IL1RAPL2: variants seen among roughly 807,000 people sequenced by gnomAD.
IL1RAPL2 encodes the protein interleukin 1 receptor accessory protein like 2.
IL1RAPL2 carries 3 observed loss-of-function variants against 44.1 expected under a neutral mutation model. That is an observed-to-expected ratio of 0.07 (90% CI 0.03 to 0.18). The LOEUF (loss-of-function observed/expected upper bound fraction) is 0.18. IL1RAPL2 is among the 10% of genes least tolerant of loss of function. The probability of loss-of-function intolerance (pLI) is 1.00; values close to 1 mark genes in which losing one functional copy is unlikely to be tolerated. For synonymous variants in IL1RAPL2, 181 were observed against 178.8 expected (o/e 1.01, Z -0.10); for missense variants, 391 against 496.4 (o/e 0.79, Z 2.02).
At chrX:104,640,007 G>A (rs1488330805) in intron 1 of IL1RAPL2, among the ~76,000 whole-genome samples, 1 of 111,452 alleles carries the variant, frequency 9.0e-6, no homozygotes, top group Non-Finnish European at 1.9e-5. Context: ...TGAGCTTCCT[G>A]TATCTGAATG....
chrX:104,990,398 G>C (rs767458651), intron 2 of IL1RAPL2, among the ~76,000 whole-genome samples: 1 of 98,598 alleles, frequency 1.0e-5, no homozygotes, highest in African/African-American at 3.6e-5. Flanking sequence ...TCTCCCCTTG[G>C]GATGGGGTTG....
intron 2 of IL1RAPL2, among the ~76,000 whole-genome samples, chrX:104,874,642 A>G (rs1345891899): frequency 1.8e-5 from 2 of 111,356 alleles, no homozygotes; most frequent in African/African-American, 6.5e-5. Context: ...TCAAGCATAG[A>G]AGGGGCTGGA....
intron 5 of IL1RAPL2, among the ~76,000 whole-genome samples, chrX:105,401,689 C>T (rs1011720908): frequency 9.1e-6 from 1 of 110,440 alleles, no homozygotes; most frequent in African/African-American, 3.3e-5. Context: ...GATCATCAAT[C>T]AGTGATTGAT....
At chrX:105,114,786 T>C (rs1408702465) in intron 2 of IL1RAPL2, among the ~76,000 whole-genome samples, 1 of 112,015 alleles carries the variant, frequency 8.9e-6, no homozygotes, top group Non-Finnish European at 1.9e-5. Flanking sequence ...TTTTCCCCTC[T>C]TCAGTTAGGC....
chrX:104,893,867 G>C (rs920394980), intron 2 of IL1RAPL2, among the ~76,000 whole-genome samples: 1 of 112,056 alleles, frequency 8.9e-6, no homozygotes, highest in African/African-American at 3.2e-5. Context: ...AATTGATGCA[G>C]TTTCTTCCTA....
chrX:104,844,705 C>A (rs1319857627), intron 2 of IL1RAPL2, among the ~76,000 whole-genome samples: 1 of 111,712 alleles, frequency 9.0e-6, no homozygotes, highest in Non-Finnish European at 1.9e-5. Flanking sequence ...CCATCTTGGG[C>A]TGCATGTGGT....
chrX:104,972,062 A>G (rs1230607192), intron 2 of IL1RAPL2, among the ~76,000 whole-genome samples: 1 of 111,493 alleles, frequency 9.0e-6, no homozygotes, highest in East Asian at 2.8e-4. Context: ...TTTGCTTCCA[A>G]GTTGGGTCCA....
intron 2 of IL1RAPL2, among the ~76,000 whole-genome samples, chrX:105,040,070 C>A (rs1344845916): frequency 1.2e-4 from 13 of 110,872 alleles, no homozygotes; most frequent in African/African-American, 3.0e-4. Flanking sequence ...TACCTAATTT[C>A]TTGAGAGTTT....
chrX:104,734,805 A>C (rs966055711), intron 2 of IL1RAPL2, among the ~76,000 whole-genome samples: 3 of 112,000 alleles, frequency 2.7e-5, no homozygotes, highest in Non-Finnish European at 5.6e-5. Context: ...ATAAAATTTA[A>C]AAATTTAAAA....
intron 6 of IL1RAPL2, among the ~76,000 whole-genome samples, chrX:105,664,019 T>A (rs373679671): frequency 2.7e-5 from 3 of 112,092 alleles, no homozygotes; most frequent in East Asian, 5.6e-4. Context: ...CTAACATGAT[T>A]TAAGCAAAAG....
intron 2 of IL1RAPL2, among the ~76,000 whole-genome samples, chrX:104,967,522 A>G (rs2030149009): frequency 1.2e-5 from 1 of 81,035 alleles, no homozygotes; most frequent in South Asian, 4.9e-4. Context: ...AACACAAAAA[A>G]TAGAAAAAAA....
chrX:104,802,484 A>G (rs1932892117), intron 2 of IL1RAPL2, among the ~76,000 whole-genome samples: 1 of 111,498 alleles, frequency 9.0e-6, no homozygotes, highest in African/African-American at 3.3e-5. Context: ...CTTCTATGAA[A>G]TAATATATTT....
intron 2 of IL1RAPL2, among the ~76,000 whole-genome samples, chrX:104,949,284 T>C (rs1405741290): frequency 9.0e-6 from 1 of 111,183 alleles, no homozygotes; most frequent in Non-Finnish European, 1.9e-5. Context: ...TCATTTTTTA[T>C]TGCATGTCTT....
At chrX:105,440,194 A>T (rs2035910864) in intron 5 of IL1RAPL2, among the ~76,000 whole-genome samples, 1 of 112,133 alleles carries the variant, frequency 8.9e-6, no homozygotes, top group Non-Finnish European at 1.9e-5. Context: ...TGTTTGACTT[A>T]GTGACAGATG....
chrX:105,408,432 T>C (rs750611033), intron 5 of IL1RAPL2, among the ~76,000 whole-genome samples: 1 of 110,370 alleles, frequency 9.1e-6, no homozygotes, highest in African/African-American at 3.3e-5. Flanking sequence ...AAGGAATCAT[T>C]GAAAACCACC....
intron 2 of IL1RAPL2, among the ~76,000 whole-genome samples, chrX:104,835,088 A>T (rs1202504685): frequency 8.9e-6 from 1 of 111,965 alleles, no homozygotes; most frequent in Non-Finnish European, 1.9e-5. Flanking sequence ...CATTAGCTTT[A>T]TCTTACTCCT....
At chrX:105,760,251 A>G (rs964484679) in intron 10 of IL1RAPL2, among the ~76,000 whole-genome samples, 3 of 111,847 alleles carry the variant, frequency 2.7e-5, no homozygotes, top group Non-Finnish European at 5.6e-5. Flanking sequence ...ACAAACAAAC[A>G]AAAAAACATA....
intron 6 of IL1RAPL2, among the ~76,000 whole-genome samples, chrX:105,498,715 T>TA (rs970171680): frequency 4.5e-5 from 5 of 111,239 alleles, no homozygotes; most frequent in African/African-American, 9.8e-5. Flanking sequence ...GGAACAAAAT[T>TA]AAAAAAACAA....
At chrX:104,714,597 A>T (rs986170352) in intron 2 of IL1RAPL2, among the ~76,000 whole-genome samples, 1 of 111,353 alleles carries the variant, frequency 9.0e-6, no homozygotes, top group South Asian at 3.7e-4. Context: ...TTTTCTTTAT[A>T]AAGTATTCTG....
Sources: allele counts gnomAD v4.1 joint callset (sites outside exome capture counted in the v4.1 genomes callset), GRCh38; gene constraint gnomAD v4.1.1; transcripts MANE v1.5; gene names NCBI Gene and HGNC (gene_info 2026-07-23, HGNC 2026-07-21).